WDR27: variants seen among roughly 807,000 people sequenced by gnomAD.
WDR27 encodes the protein WD repeat-containing protein 27.
A neutral mutation model predicts 114.4 loss-of-function variants in WDR27; 100 were observed. That is an observed-to-expected ratio of 0.87 (90% CI 0.74 to 1.03). WDR27 has a LOEUF of 1.03. Ranked by LOEUF, WDR27 falls within the 50% of genes least tolerant of loss-of-function variation. The pLI is 0.00. For synonymous variants in WDR27, 449 were observed against 423.1 expected, an observed-to-expected ratio of 1.06 and a Z score of -0.75; for missense variants, 1,129 against 1,092.9, an observed-to-expected ratio of 1.03 and a Z score of -0.47.
At chr6:169,550,938 A>G (rs1191476168) in intron 25 of WDR27, among the ~76,000 whole-genome samples, 1 of 151,466 alleles carries the variant, frequency 6.6e-6, no homozygotes, top group African/African-American at 2.4e-5. Context: ...CTGGTCTTGA[A>G]CTCCTGGACT....
At chr6:169,435,270 T>C in the WDR27 span, among the ~76,000 whole-genome samples, 1 of 152,198 alleles carries the variant, frequency 6.6e-6, no homozygotes, top group South Asian at 2.1e-4. Context: ...ACGGAGAACC[T>C]CTGCTAGGGC....
intron 24 of WDR27, among the ~76,000 whole-genome samples, chr6:169,581,327 G>A (rs948245174): frequency 2.6e-5 from 4 of 152,054 alleles, no homozygotes; most frequent in African/African-American, 4.8e-5. Context: ...TCTCCCCACC[G>A]CCCACCCTGC....
chr6:169,648,150 A>C (rs1821277217), intron 15 of WDR27, among the ~76,000 whole-genome samples: 1 of 152,242 alleles, frequency 6.6e-6, no homozygotes, highest in South Asian at 2.1e-4. Context: ...TCATGTGAGT[A>C]CTGTGACGAT....
intron 15 of WDR27, among the ~76,000 whole-genome samples, chr6:169,648,471 A>G (rs1048254297): frequency 1.3e-5 from 2 of 152,174 alleles, no homozygotes; most frequent in African/African-American, 2.4e-5. Flanking sequence ...CTGATGCCAC[A>G]TTTCACCTGC....
intron 25 of WDR27, among the ~76,000 whole-genome samples, chr6:169,477,230 G>A (rs1278879143): frequency 6.6e-6 from 1 of 152,202 alleles, no homozygotes; most frequent in Non-Finnish European, 1.5e-5. Flanking sequence ...GTTGAATTCA[G>A]TTGGCTCTTC....
chr6:169,634,444 G>A lies in WDR27; in HGVS notation c.2085C>T (p.Val695=). 1.2e-6 allele frequency: 2 copies of A among 1,612,448 alleles called. No homozygotes were observed. Among genetic ancestry groups the A allele is most frequent in the Admixed American group, 1.7e-5 (1 of 59,884 alleles). ...AAAGGATACGGGAATAAAAGTCGTTGACTGCCGATAAACTGGTCATGTCTA... is the reference window on the plus strand; with the variant it reads ...AAAGGATACGGGAATAAAAGTCGTTAACTGCCGATAAACTGGTCATGTCTA... ...GAVDMTSLSA[V]NDFYSHIVLA... Residue 695 remains valine (V), a synonymous_variant, in exon 20 of 26, where the codon GTC becomes GTT. Transcript: ENST00000448612.
chr6:169,659,559 G>A lies in WDR27; in HGVS notation c.1130-41C>T, dbSNP rs775298316. 31 of 1,575,918 alleles carry A rather than the reference G, an allele frequency of 2.0e-5. No homozygotes were observed. The highest frequency in any genetic ancestry group is 2.1e-5 in the Non-Finnish European group (24 of 1,159,000). On this transcript the variant is annotated intron_variant, in intron 10 of 25. Transcript: ENST00000448612. The surrounding 1 kb of genome is among the most constrained non-coding windows in gnomAD (Gnocchi z 4.3). Reference sequence around the variant, plus strand: ...GACCAGGAAGAACATGATGGGGAGGGAGGTAGCACATACACACGGAGTCAC... The same window carrying A: ...GACCAGGAAGAACATGATGGGGAGGAAGGTAGCACATACACACGGAGTCAC...
chr6:169,522,503 G>A (rs1441649957), intron 25 of WDR27, among the ~76,000 whole-genome samples: 2 of 152,004 alleles, frequency 1.3e-5, no homozygotes, highest in African/African-American at 4.8e-5. Flanking sequence ...TCACGCAGTT[G>A]CTGCAGAATA....
intron 24 of WDR27, among the ~76,000 whole-genome samples, chr6:169,582,000 G>T (rs1394301249): frequency 6.6e-6 from 1 of 152,084 alleles, no homozygotes; most frequent in African/African-American, 2.4e-5. Flanking sequence ...TTGAGACAGA[G>T]TCTCATTTTG....
chr6:169,507,433 C>T (rs1412984816), intron 25 of WDR27, among the ~76,000 whole-genome samples: 1 of 152,242 alleles, frequency 6.6e-6, no homozygotes, highest in African/African-American at 2.4e-5. Flanking sequence ...ACCCATGACA[C>T]TACTCCATCT....
intron 14 of WDR27, among the ~76,000 whole-genome samples, chr6:169,650,774 C>T (rs906787889): frequency 6.6e-6 from 1 of 150,764 alleles, no homozygotes; most frequent in African/African-American, 2.4e-5. Context: ...TCCACTTATT[C>T]ATCTCTCATC....
Position 169,457,565 on chromosome 6 carries a change from C to T in WDR27, c.*27G>A, listed in dbSNP as rs200459583. On this transcript the variant is annotated 3_prime_UTR_variant, in exon 26 of 26. Coordinates refer to ENST00000448612, the MANE Select transcript of WDR27 (RefSeq NM_182552.5). ...GTTGTTCCTCACAGCATTCCTGGAC[C>T]CAGCTCACAGGTCAGTGGTTACTCA... 2 of 1,545,968 alleles carry T rather than the reference C, an allele frequency of 1.3e-6. No individual in the cohort carries two copies. Among genetic ancestry groups the T allele is most frequent in the African/African-American group, 1.4e-5 (1 of 72,926 alleles).
At chr6:169,577,739 T>C (rs952805414) in intron 24 of WDR27, among the ~76,000 whole-genome samples, 11 of 152,128 alleles carry the variant, frequency 7.2e-5, no homozygotes, top group South Asian at 2.1e-4. Context: ...ACGGGAAGCG[T>C]CCAAGCGTCC....
Position 169,665,508 on chromosome 6 carries a change from ACCAGCTG to A in WDR27, c.754_760del (p.Gln252SerfsTer14). On this transcript the variant is annotated frameshift_variant, in exon 7 of 26. Transcript: ENST00000448612. LOFTEE classifies it high-confidence loss of function. ...CACCTGGCCGTCAGCACACCCGGTG[ACCAGCTG>A]CCTGCTTTCTGCATCAATGAATAAA... The A allele has an allele frequency of 6.2e-7, 1 of 1,613,834 alleles. No individual in the cohort carries two copies. Among genetic ancestry groups the A allele is most frequent in the Admixed American group, 1.7e-5 (1 of 60,008 alleles).
intron 25 of WDR27, among the ~76,000 whole-genome samples, chr6:169,504,824 C>T (rs752272378): frequency 6.6e-6 from 1 of 152,156 alleles, no homozygotes; most frequent in Non-Finnish European, 1.5e-5. Flanking sequence ...GTCTCGAACT[C>T]CTGGCCTCAA....
intron 25 of WDR27, among the ~76,000 whole-genome samples, chr6:169,498,058 A>G (rs1790639042): frequency 6.6e-6 from 1 of 152,148 alleles, no homozygotes; most frequent in South Asian, 2.1e-4. Context: ...ATCCATACAC[A>G]AGAATATTAT....
chr6:169,632,847 G>T, intron 21 of WDR27, 100 bp downstream of exon 21: 1 of 1,129,962 alleles, frequency 8.8e-7, no homozygotes, highest in Non-Finnish European at 1.2e-6. Flanking sequence ...ATTGAATTTG[G>T]TAGCAAACAC....
the WDR27 span, among the ~76,000 whole-genome samples, chr6:169,449,068 C>T: frequency 1.3e-5 from 2 of 152,122 alleles, no homozygotes; most frequent in African/African-American, 2.4e-5. Flanking sequence ...TTGCCTACGA[C>T]GTGTATTGTT....
intron 25 of WDR27, among the ~76,000 whole-genome samples, chr6:169,535,562 C>CAATAA (rs1796112068): frequency 6.6e-6 from 1 of 151,826 alleles, no homozygotes; most frequent in Non-Finnish European, 1.5e-5. Flanking sequence ...AATTAAAAGG[C>CAATAA]AATAAAATAT....
Sources: allele counts gnomAD v4.1 joint callset (sites outside exome capture counted in the v4.1 genomes callset), GRCh38; gene constraint gnomAD v4.1.1; non-coding constraint Gnocchi (gnomAD v3.1); transcripts MANE v1.5; gene names NCBI Gene and HGNC (gene_info 2026-07-23, HGNC 2026-07-21).